The following ASB4 variants were observed in gnomAD, a reference collection of about 807,000 sequenced individuals.
The protein encoded by ASB4 is ankyrin repeat and SOCS box containing 4, also known as ankyrin repeat and SOCS box protein 4.
Under a neutral mutation model 38.6 loss-of-function variants are expected in ASB4, and 35 were observed. The observed-to-expected ratio is 0.91, with a 90% CI of 0.69 to 1.20. The LOEUF is 1.20. Ranked by LOEUF, ASB4 falls within the 50% of genes most tolerant of loss-of-function variation. The pLI, the probability that ASB4 is intolerant of heterozygous loss-of-function variation, is 0.00. For missense variants in ASB4, 557 were observed against 527.2 expected, an observed-to-expected ratio of 1.06 and a Z score of -0.55; for synonymous variants, 195 against 201.3, an observed-to-expected ratio of 0.97 and a Z score of 0.26.
chr7:95,496,228 G>A, intron 2 of ASB4, 171 bp downstream of exon 2: 1 of 558,430 alleles, frequency 1.8e-6, no homozygotes, highest in Non-Finnish European at 3.1e-6. Context: ...ATTCAATGAT[G>A]ATCACATTAA....
intron 2 of ASB4, among the ~76,000 whole-genome samples, chr7:95,520,327 G>A (rs1450071832): frequency 6.6e-6 from 1 of 152,164 alleles, no homozygotes; most frequent in African/African-American, 2.4e-5. Context: ...CCAACTAAGA[G>A]ACTGAACAAA....
chr7:95,508,457 A>T (rs1180972858), intron 2 of ASB4, among the ~76,000 whole-genome samples: 1 of 152,250 alleles, frequency 6.6e-6, no homozygotes. Context: ...ATTTTCTATA[A>T]TTATAGAGAA....
intron 2 of ASB4, among the ~76,000 whole-genome samples, chr7:95,511,395 AG>A (rs1427150907): frequency 6.6e-6 from 1 of 152,150 alleles, no homozygotes; most frequent in Non-Finnish European, 1.5e-5. Context: ...TTGAATTAAG[AG>A]GGCCACACCA....
At chr7:95,477,205 A>C (rs2116562703), upstream of ASB4, among the ~76,000 whole-genome samples, 1 of 152,248 alleles carries the variant, frequency 6.6e-6, no homozygotes, top group East Asian at 1.9e-4. Context: ...AGTCCCTAAA[A>C]GACAACTAGC....
chr7:95,546,711 C>T, the ASB4 span, among the ~76,000 whole-genome samples: 1 of 152,198 alleles, frequency 6.6e-6, no homozygotes, highest in Non-Finnish European at 1.5e-5. Context: ...GGATTTCATT[C>T]TCAATCCTCT....
At position 95,499,445 on chromosome 7, in the gene ASB4, G is replaced by T. The variant is rs1375064021; in HGVS notation, c.487+3388G>T. On this transcript the variant is annotated intron_variant, in intron 2 of 4. Coordinates refer to ENST00000325885, the MANE Select transcript of ASB4 (RefSeq NM_016116.3). Reference sequence around the variant, plus strand: ...ACAAGGACAAAGAAAGAGGTAGTAGGTTCCAGAAGCAGAGAGTGGCCAGCT... The same window carrying T: ...ACAAGGACAAAGAAAGAGGTAGTAGTTTCCAGAAGCAGAGAGTGGCCAGCT... 3.3e-5 allele frequency among the ~76,000 whole-genome samples: 5 copies of T among 152,172 alleles called. No homozygotes were observed. In the East Asian group the frequency reaches 5.8e-4, roughly 18 times the overall value.
intron 3 of ASB4, among the ~76,000 whole-genome samples, chr7:95,536,089 G>A (rs753204860): frequency 1.3e-5 from 2 of 152,220 alleles, no homozygotes; most frequent in Admixed American, 6.5e-5. Context: ...GCTCGTGGAA[G>A]GTGAAAGAAA....
At chr7:95,537,495 T>C (rs1157231117) in intron 4 of ASB4, 76 bp from the exon 5 acceptor site, 2 of 1,318,150 alleles carry the variant, frequency 1.5e-6, no homozygotes, top group African/African-American at 2.9e-5. Flanking sequence ...TAGAGGTTAG[T>C]TGCAGCATTG....
intron 3 of ASB4, among the ~76,000 whole-genome samples, chr7:95,533,175 A>G (rs17704140): frequency 0.041 from 6,316 of 152,266 alleles, 171 homozygotes; most frequent in Middle Eastern, 0.068. Flanking sequence ...TCTGTCTGCC[A>G]GGGAGAGGCC....
chr7:95,520,583 T>C (rs905332674), intron 2 of ASB4, among the ~76,000 whole-genome samples: 3 of 152,192 alleles, frequency 2.0e-5, no homozygotes, highest in African/African-American at 7.2e-5. Flanking sequence ...AGAAGCTTAT[T>C]ATTTAGCTTT....
At chr7:95,478,359 G>C (rs1055955661), upstream of ASB4, 1 of 152,182 alleles carries the variant, frequency 6.6e-6, no homozygotes, top group Admixed American at 6.5e-5. Context: ...GTTGCTAGGA[G>C]ACCTGGAACA....
downstream of ASB4, among the ~76,000 whole-genome samples, chr7:95,540,460 T>A (rs939497837): frequency 1.1e-4 from 16 of 152,188 alleles, no homozygotes; most frequent in African/African-American, 3.6e-4. Flanking sequence ...AACAAGTGTG[T>A]TTTAATAGTA....
intron 1 of ASB4, among the ~76,000 whole-genome samples, chr7:95,495,097 CT>C (rs1247949172): frequency 6.6e-6 from 1 of 152,096 alleles, no homozygotes; most frequent in Non-Finnish European, 1.5e-5. Context: ...TATTTTCCTA[CT>C]TTTTTATTTT....
At chr7:95,472,720 T>A in the ASB4 span, among the ~76,000 whole-genome samples, 2 of 152,166 alleles carry the variant, frequency 1.3e-5, no homozygotes, top group African/African-American at 4.8e-5. Flanking sequence ...ACAAGGGAGC[T>A]TCTTTGCAGT....
chr7:95,504,410 G>C (rs1331151824), intron 2 of ASB4, among the ~76,000 whole-genome samples: 1 of 152,140 alleles, frequency 6.6e-6, no homozygotes, highest in African/African-American at 2.4e-5. Context: ...AGATGTCACT[G>C]GCCTTCATTT....
chr7:95,484,342 A>G (rs1477394937), upstream of ASB4, among the ~76,000 whole-genome samples: 1 of 152,200 alleles, frequency 6.6e-6, no homozygotes. Flanking sequence ...AAAAAAAATA[A>G]CAAACAAAAC....
chr7:95,541,483 G>A (rs1490354191), downstream of ASB4, among the ~76,000 whole-genome samples: 1 of 152,122 alleles, frequency 6.6e-6, no homozygotes, highest in African/African-American at 2.4e-5. Flanking sequence ...GAACTGTTGG[G>A]TGAGCTTGTA....
chr7:95,482,599 G>C (rs1790029568), upstream of ASB4, among the ~76,000 whole-genome samples: 1 of 152,200 alleles, frequency 6.6e-6, no homozygotes. Flanking sequence ...GCATTTCAAG[G>C]ACCACGCCTG....
intron 3 of ASB4, among the ~76,000 whole-genome samples, chr7:95,534,967 T>C (rs189247483): frequency 1.3e-5 from 2 of 152,306 alleles, no homozygotes; most frequent in East Asian, 3.9e-4. Flanking sequence ...CCAGCTGGCT[T>C]CATCTTACCA....
Sources: gnomAD v4.1 joint callset for allele counts (sites outside exome capture counted in the v4.1 genomes callset) on GRCh38, gnomAD v4.1.1 for gene constraint, MANE v1.5 for transcripts, NCBI Gene and HGNC (gene_info 2026-07-23, HGNC 2026-07-21) for gene names.